Variants in WDR27 observed in about 807,000 individuals in gnomAD.
WDR27 encodes WD repeat domain 27, also known as WD repeat-containing protein 27.
A neutral mutation model predicts 114.4 loss-of-function variants in WDR27; 100 were observed. That is an observed-to-expected ratio of 0.87 (90% CI 0.74 to 1.03). The LOEUF (loss-of-function observed/expected upper bound fraction) is 1.03, where lower values mean the gene tolerates loss of function less well. Ranked by LOEUF, WDR27 falls within the 50% of genes least tolerant of loss-of-function variation. WDR27 has a pLI of 0.00. For missense variants in WDR27, 1,129 were observed against 1,092.9 expected, an observed-to-expected ratio of 1.03 and a Z score of -0.47; for synonymous variants, 449 against 423.1, an observed-to-expected ratio of 1.06 and a Z score of -0.75.
intron 25 of WDR27, among the ~76,000 whole-genome samples, chr6:169,483,240 A>G (rs1788437208): frequency 6.6e-6 from 1 of 152,360 alleles, no homozygotes; most frequent in South Asian, 2.1e-4. Context: ...TAACAAATCC[A>G]GAAGTTGGTT....
intron 25 of WDR27, among the ~76,000 whole-genome samples, chr6:169,570,576 C>T (rs1452492813): frequency 6.6e-6 from 1 of 152,224 alleles, no homozygotes; most frequent in Non-Finnish European, 1.5e-5. Context: ...CGCCTGTAAT[C>T]CCAACACTTT....
intron 16 of WDR27, 82 bp downstream of exon 16, chr6:169,647,691 A>G: frequency 8.6e-7 from 1 of 1,160,054 alleles, no homozygotes; most frequent in Non-Finnish European, 1.3e-6. Context: ...CAATTATGAT[A>G]CAATAGAAAA....
intron 17 of WDR27, among the ~76,000 whole-genome samples, chr6:169,642,894 G>A (rs1327412787): frequency 3.9e-5 from 6 of 152,184 alleles, no homozygotes; most frequent in Non-Finnish European, 1.5e-5. Flanking sequence ...GATTAGAGGT[G>A]TTTTGGAGTT....
intron 4 of WDR27, 121 bp downstream of exon 4, chr6:169,670,448 G>T (rs964660153): frequency 2.7e-6 from 3 of 1,096,566 alleles, no homozygotes; most frequent in Non-Finnish European, 3.8e-6. Flanking sequence ...CTAAATTGAA[G>T]ATATAGCTTA....
At chr6:169,466,409 C>T (rs575620430) in intron 25 of WDR27, among the ~76,000 whole-genome samples, 32 of 152,292 alleles carry the variant, frequency 2.1e-4, no homozygotes, top group East Asian at 7.7e-4. Context: ...GAAGCAAACA[C>T]GTCCTTCTTC....
intron 1 of WDR27, among the ~76,000 whole-genome samples, chr6:169,694,209 G>A (rs753179207): frequency 2.0e-5 from 3 of 152,198 alleles, no homozygotes; most frequent in Non-Finnish European, 4.4e-5. Flanking sequence ...TCAGGAGGCT[G>A]AGGCAGGAGT....
chr6:169,603,849 A>G (rs910712722), intron 22 of WDR27, among the ~76,000 whole-genome samples: 4 of 152,250 alleles, frequency 2.6e-5, no homozygotes, highest in African/African-American at 9.6e-5. Flanking sequence ...TGGCACATTA[A>G]TAAGTGCTCT....
the WDR27 span, among the ~76,000 whole-genome samples, chr6:169,438,358 C>T: frequency 1.3e-5 from 2 of 151,684 alleles, no homozygotes; most frequent in Non-Finnish European, 2.9e-5. Context: ...CTGCCTCAGC[C>T]TCCCAAGTAG....
intron 25 of WDR27, among the ~76,000 whole-genome samples, chr6:169,542,624 A>T (rs1032375044): frequency 6.6e-6 from 1 of 152,128 alleles, no homozygotes; most frequent in Non-Finnish European, 1.5e-5. Context: ...ATAAATAGAT[A>T]ATAGTCTTGT....
intron 25 of WDR27, among the ~76,000 whole-genome samples, chr6:169,516,758 C>G (rs1392148424): frequency 6.8e-6 from 1 of 146,532 alleles, no homozygotes; most frequent in Non-Finnish European, 1.5e-5. Flanking sequence ...GAACTGCAAA[C>G]TGCCTGGCTG....
intron 23 of WDR27, among the ~76,000 whole-genome samples, chr6:169,597,850 A>C (rs1653092950): frequency 6.7e-6 from 1 of 149,744 alleles, no homozygotes; most frequent in Admixed American, 6.7e-5. Context: ...GCCAATTTTT[A>C]TGCACAACTT....
intron 25 of WDR27, among the ~76,000 whole-genome samples, chr6:169,564,624 G>T (rs1800163842): frequency 6.6e-6 from 1 of 152,146 alleles, no homozygotes. Flanking sequence ...AAGGTGTGAG[G>T]CTCCCTGGAG....
intron 6 of WDR27, 109 bp from the exon 7 acceptor site, chr6:169,665,665 T>A (rs1244461784): frequency 9.9e-7 from 1 of 1,009,140 alleles, no homozygotes; most frequent in Non-Finnish European, 1.4e-6. Flanking sequence ...ACTTACAGTA[T>A]TTCTGTTAGT....
intron 25 of WDR27, among the ~76,000 whole-genome samples, chr6:169,465,364 T>C (rs1046790975): frequency 6.6e-6 from 1 of 151,500 alleles, no homozygotes; most frequent in Non-Finnish European, 1.5e-5. Flanking sequence ...CTCACACTCA[T>C]TAGGACATGA....
At chr6:169,433,487 T>C in the WDR27 span, among the ~76,000 whole-genome samples, 1 of 152,232 alleles carries the variant, frequency 6.6e-6, no homozygotes, top group Non-Finnish European at 1.5e-5. Context: ...ATCCAGTCTA[T>C]CATTGATGGG....
intron 25 of WDR27, among the ~76,000 whole-genome samples, chr6:169,528,613 G>A (rs540766885): frequency 3.9e-5 from 6 of 152,340 alleles, no homozygotes; most frequent in Admixed American, 3.9e-4. Flanking sequence ...TGCAACCTCT[G>A]CCTCTCAGGT....
At chr6:169,666,429 C>G in intron 6 of WDR27, 1 of 985,434 alleles carries the variant, frequency 1.0e-6, no homozygotes, top group Non-Finnish European at 1.2e-6. Flanking sequence ...CATGGAAGAA[C>G]GCTCTCCTTT....
chr6:169,590,342 T>C (rs1385949965), intron 23 of WDR27, among the ~76,000 whole-genome samples: 1 of 152,258 alleles, frequency 6.6e-6, no homozygotes, highest in Non-Finnish European at 1.5e-5. Flanking sequence ...TATCATATTA[T>C]GCTCACTTAT....
intron 19 of WDR27, among the ~76,000 whole-genome samples, chr6:169,636,158 G>C (rs746545315): frequency 5.3e-5 from 8 of 152,164 alleles, no homozygotes; most frequent in Non-Finnish European, 4.4e-5. Flanking sequence ...CAAATTCTCT[G>C]ATTCCGTCAT....
Sources: gnomAD v4.1 joint callset for allele counts (sites outside exome capture counted in the v4.1 genomes callset) on GRCh38, gnomAD v4.1.1 for gene constraint, MANE v1.5 for transcripts, NCBI Gene and HGNC (gene_info 2026-07-23, HGNC 2026-07-21) for gene names.